MUC4: variants seen among roughly 807,000 people sequenced by gnomAD.
MUC4 encodes mucin-4.
Under a neutral mutation model 257.9 loss-of-function variants are expected in MUC4, and 202 were observed. The ratio of observed to expected loss-of-function variants is 0.78; its 90% confidence interval spans 0.70 to 0.88. The LOEUF is 0.88. Among genes scored for constraint, MUC4 ranks in the 40% least tolerant of loss-of-function variants. MUC4 has a pLI of 0.00. For missense variants in MUC4, 5,976 were observed against 6,513.7 expected (o/e 0.92, Z 2.84); for synonymous variants, 2,351 against 2,757.1 (o/e 0.85, Z 4.62).
At chr3:195,775,334 C>T (rs112482238) in intron 3 of MUC4, among the ~76,000 whole-genome samples, 4 of 15,938 alleles carry the variant, frequency 2.5e-4, no homozygotes, top group Admixed American at 4.3e-4. Flanking sequence ...GGGGATCCAC[C>T]CCCATGCAGC....
In MUC4 at chr3:195,752,385, T is replaced by C. The variant is rs2258447; in HGVS notation, c.15570A>G (p.Glu5190=). 0.89 allele frequency: 1,443,848 copies of C among 1,613,408 alleles called. 648,960 individuals carry two copies. Among genetic ancestry groups the C allele is most frequent in the Admixed American group, 0.94 (56,577 of 60,028 alleles). ...CTGCAGCACTGACCGAGGCGTTGAC[T>C]TCTGCCATGGAGGCATTTTCCTCTT... The part of the protein sequence containing the change: ...LSEEENASMA[E]VNASVAYRLG... The change falls in exon 21 of 25, where the codon GAA becomes GAG. Residue 5190 remains glutamate, a synonymous_variant. Transcript: ENST00000463781.
Position 195,788,710 on chromosome 3 carries a change from A to T in MUC4, c.2870T>A (p.Leu957Gln). ...LTSPQTETHTLSPSGSGKTFT... is the reference protein window; with the variant it reads ...LTSPQTETHTQSPSGSGKTFT... ...GGTTTTACCAGACCCTGAAGGTGAC[A>T]GAGTGTGGGTCTCGGTTTGTGGAGA... is the stretch of plus-strand genomic sequence containing the variant. Residue 957 changes from leucine to glutamine, a missense_variant, in exon 2 of 25, where the codon CTG becomes CAG. Leu to Gln is a moderately radical substitution (Grantham distance 113, BLOSUM62 -2). Around this residue, in one of 44 missense-constraint regions of MUC4, gnomAD observed 1,583 missense variants for 1,257.4 expected, o/e 1.26. Coordinates refer to ENST00000463781, the MANE Select transcript of MUC4 (RefSeq NM_018406.7). 1 of 1,612,238 alleles carries T rather than the reference A, an allele frequency of 6.2e-7. No homozygotes were observed. The highest frequency in any genetic ancestry group is 8.5e-7 in the Non-Finnish European group (1 of 1,179,792).
At position 195,764,179 on chromosome 3, in the gene MUC4, A is replaced by G. The variant is rs1719884605; in HGVS notation, c.13925-15T>C. 6.4e-7 allele frequency: 1 copy of G among 1,556,588 alleles called. No homozygotes were observed. Among genetic ancestry groups the G allele is most frequent in the East Asian group, 2.4e-5 (1 of 41,364 alleles). ...CAGTTCCTGGGCTGCGGAGAACAGC[A>G]GTGAGTCGGGGAGGTTGAGGACCTG... On this transcript the variant is annotated splice_polypyrimidine_tract_variant and intron_variant, in intron 10 of 24. Transcript: ENST00000463781.
Position 195,748,965 on chromosome 3 carries a change from C to G in MUC4, c.15971G>C (p.Cys5324Ser). ...TCCATGGTCACAGTAGCCCCTACTGCACGGGGACACGCAGGTGAAGCCGCT... is the reference window on the plus strand; with the variant it reads ...TCCATGGTCACAGTAGCCCCTACTGGACGGGGACACGCAGGTGAAGCCGCT... ...PQSGFTCVSPCSRGYCDHGGQ... is the reference protein window; with the variant it reads ...PQSGFTCVSPSSRGYCDHGGQ... Residue 5324 changes from cysteine (C) to serine (S), a missense_variant, in exon 24 of 25, where the codon TGC becomes TCC. Cys to Ser is a moderately radical substitution (Grantham distance 112). Around this residue, in one of 44 missense-constraint regions of MUC4, gnomAD observed 310 missense variants for 242.1 expected, o/e 1.28. Transcript: ENST00000463781. 1.2e-5 allele frequency: 20 copies of G among 1,608,548 alleles called. No individual in the cohort carries two copies. The highest frequency in any genetic ancestry group is 1.7e-5 in the Non-Finnish European group (20 of 1,177,552).
In MUC4 at chr3:195,749,059, C is replaced by G. The variant is rs146801616; in HGVS notation, c.15877G>C (p.Val5293Leu). ...CTGAAGTAAGCCTTCAGCGTGCTCACGTTCACTGTCGGGAAGGACACAGAT... is the reference window on the plus strand; with the variant it reads ...CTGAAGTAAGCCTTCAGCGTGCTCAGGTTCACTGTCGGGAAGGACACAGAT... ...EDVRDVTALNVSTLKAYFRCD... is the reference protein window; with the variant it reads ...EDVRDVTALNLSTLKAYFRCD... Residue 5293 changes from valine (V) to leucine (L), a missense_variant, in exon 24 of 25, where the codon GTG (valine) becomes CTG (leucine). Val to Leu is a conservative substitution (Grantham distance 32, BLOSUM62 1). This residue lies in a region of MUC4 where 310 missense variants were observed against 242.1 expected (regional missense o/e 1.28). Transcript: ENST00000463781. 2 of 1,606,720 alleles carry G rather than the reference C, an allele frequency of 1.2e-6. No homozygotes were observed. The highest frequency in any genetic ancestry group is 1.7e-6 in the Non-Finnish European group (2 of 1,175,736).
chr3:195,805,100 G>A (rs1469197201), intron 1 of MUC4, among the ~76,000 whole-genome samples: 2 of 145,948 alleles, frequency 1.4e-5, no homozygotes, highest in East Asian at 2.0e-4. Context: ...TCGCTCTGTC[G>A]CCCAGGCAGG....
intron 2 of MUC4, 42 bp from the exon 3 acceptor site, chr3:195,778,497 A>G (rs150574853): frequency 1.9e-6 from 3 of 1,602,042 alleles, no homozygotes; most frequent in Non-Finnish European, 1.7e-6. Context: ...TCTTACAGTA[A>G]CAAAACAGGA....
At chr3:195,759,099 T>C in intron 17 of MUC4, 25 bp downstream of exon 17, 1 of 1,603,962 alleles carries the variant, frequency 6.2e-7, no homozygotes, top group South Asian at 1.1e-5. Flanking sequence ...CTCCCCACTC[T>C]CCCCAGCCAG....
chr3:195,776,623 A>G (rs1199133621), intron 3 of MUC4, among the ~76,000 whole-genome samples: 16 of 32,906 alleles, frequency 4.9e-4, no homozygotes, highest in African/African-American at 4.5e-3. Flanking sequence ...TACCTTCCAC[A>G]CCCATACCTT....
rs1244933892 is a variant in MUC4, at chr3:195,763,506, G to C, written c.14180C>G (p.Thr4727Ser). 2.1e-5 allele frequency: 32 copies of C among 1,553,936 alleles called. No individual in the cohort carries two copies. The highest frequency in any genetic ancestry group is 2.7e-5 in the Non-Finnish European group (31 of 1,147,692). Residue 4727 changes from threonine to serine, a missense_variant, in exon 12 of 25, where the codon ACT (threonine) becomes AGT (serine). This residue lies in a region of MUC4 where 996 missense variants were observed against 1,137.3 expected (regional missense o/e 0.88). Transcript: ENST00000463781. ...SFLLQGRTAQ[T>S]GSAQATNFIA... ...GAAGTTGGTGGCCTGGGCTGAGCCA[G>C]TCTGGGCGGTGCGGCCCTGAAGCAG...
chr3:195,791,121 C>T lies in MUC4; in HGVS notation c.459G>A (p.Glu153=). Residue 153 remains glutamate, a synonymous_variant, in exon 2 of 25, where the codon GAG becomes GAA. Coordinates refer to ENST00000463781, the MANE Select transcript of MUC4 (RefSeq NM_018406.7). ...AACTTTCAGTTCCTGCTGTTGATGT[C>T]TCTTCTGTGTTTCCAAGAGTGGAGT... ...STDSTLGNTE[E]TSTAGTESST... The T allele has an allele frequency of 6.2e-7, 1 of 1,613,802 alleles. No individual in the cohort carries two copies. Among genetic ancestry groups the T allele is most frequent in the Non-Finnish European group, 8.5e-7 (1 of 1,179,862 alleles).
rs55663092 is a variant in MUC4 at position 195,746,784 on chromosome 3, CAGAG to C, written c.*388_*391del. On this transcript the variant is annotated 3_prime_UTR_variant, in exon 25 of 25. Coordinates refer to ENST00000463781, the MANE Select transcript of MUC4 (RefSeq NM_018406.7). The stretch of plus-strand genomic sequence containing the variant: ...TCCTGGTTTTGGAGACACAAAAAGT[CAGAG>C]AGACTTTATTTAAATAGAGTTAATT... 23,622 of 250,624 alleles carry C rather than the reference CAGAG, an allele frequency of 0.094. No homozygotes were observed. Among genetic ancestry groups the C allele is most frequent in the South Asian group, 0.19 (2,108 of 11,102 alleles). The allele number at this position is 250,624 out of a possible 1,614,324, so 15.5% of individuals were successfully genotyped here.
Position 195,784,727 on chromosome 3 carries a change from C to A in MUC4, c.6853G>T (p.Asp2285Tyr), listed in dbSNP as rs755261964. 1 of 1,423,328 alleles carries A rather than the reference C, an allele frequency of 7.0e-7. No individual in the cohort carries two copies. Among genetic ancestry groups the A allele is most frequent in the African/African-American group, 2.1e-5 (1 of 47,392 alleles). 88.2% of individuals were successfully genotyped at this position (1,423,328 alleles called of 1,614,324 possible). The change falls in exon 2 of 25, where the codon GAC becomes TAC. Residue 2285 changes from aspartate (D) to tyrosine (Y), a missense_variant. Physicochemically the swap from Asp to Tyr is radical, Grantham distance 160 (BLOSUM62 -3). Transcript: ENST00000463781. Reference sequence around the variant, plus strand: ...CTAGTGACAGGAAGAGGAGTGGTGTCACCTGTGGATACTGAGGAAAGGCTG... The same window carrying A: ...CTAGTGACAGGAAGAGGAGTGGTGTAACCTGTGGATACTGAGGAAAGGCTG... Reference protein sequence around the residue: ...VTSLSSVSTGDTTPLPVTSPS... With the variant: ...VTSLSSVSTGYTTPLPVTSPS...
In MUC4 at chr3:195,763,347, G is replaced by GC. The variant is rs1719659860; in HGVS notation, c.14253+85dup. ...CCTCCTGCCCGGCTTCCCCTCCTTC[G>GC]CTCTCTTCCTTCTCCTCGGCCTCAG... On this transcript the variant is annotated intron_variant, in intron 12 of 24. Transcript: ENST00000463781. 3.1e-6 allele frequency: 4 copies of GC among 1,296,046 alleles called. No individual in the cohort carries two copies. In the South Asian group the frequency reaches 8.0e-5, roughly 26 times the overall value. 80.3% of individuals were successfully genotyped at this position (1,296,046 alleles called of 1,614,324 possible).
rs536218329 is a variant in MUC4, at chr3:195,768,419, G to A, written c.13529+603C>T. Reference sequence around the variant, plus strand: ...CCACATTTCAACCGCCCACAGCCCCGTGCCTCCTCTCTCCCTTCACCACCG... The same window carrying A: ...CCACATTTCAACCGCCCACAGCCCCATGCCTCCTCTCTCCCTTCACCACCG... On this transcript the variant is annotated intron_variant, in intron 7 of 24. Transcript: ENST00000463781. Among the ~76,000 whole-genome samples, 8 of 152,212 alleles carry A rather than the reference G, an allele frequency of 5.3e-5. No homozygotes were observed. The East Asian group carries it at 1.2e-3, about 22-fold the overall frequency.
At chr3:195,792,183 A>T (rs1003083787) in intron 1 of MUC4, among the ~76,000 whole-genome samples, 2 of 152,222 alleles carry the variant, frequency 1.3e-5, no homozygotes, top group Non-Finnish European at 2.9e-5. Flanking sequence ...AGAAACTATC[A>T]TCAGAGCAAA....
rs1717925394 is a variant in MUC4 at position 195,757,620 on chromosome 3, C to T, written c.14987-292G>A. On this transcript the variant is annotated intron_variant, in intron 17 of 24. Transcript: ENST00000463781. The surrounding 1 kb of genome is among the most constrained non-coding windows in gnomAD (Gnocchi z 4.8). ...AAGGGCAGCCCTGGCTGGGCTCACA[C>T]CAGGATGGGACATCCTGGGGGATGG... is the stretch of plus-strand genomic sequence containing the variant. 6.6e-6 allele frequency among the ~76,000 whole-genome samples: 1 copy of T among 152,132 alleles called. No individual in the cohort carries two copies. The highest frequency in any genetic ancestry group is 6.5e-5 in the Admixed American group (1 of 15,276).
At chr3:195,803,907 G>A (rs114766822) in intron 1 of MUC4, among the ~76,000 whole-genome samples, 5 of 152,190 alleles carry the variant, frequency 3.3e-5, no homozygotes, top group South Asian at 2.1e-4. Context: ...GCCTGAGGCC[G>A]AGCCAGGCAC....
In MUC4 at chr3:195,780,185, A is replaced by C. The variant is rs1325832163; in HGVS notation, c.11395T>G (p.Ser3799Ala). Residue 3799 changes from serine to alanine, a missense_variant, in exon 2 of 25, where the codon TCC (serine) becomes GCC (alanine). Ser to Ala is a moderately conservative substitution (Grantham distance 99). Around this residue, in one of 44 missense-constraint regions of MUC4, gnomAD observed 330 missense variants for 262.0 expected, o/e 1.26. Coordinates refer to ENST00000463781, the MANE Select transcript of MUC4 (RefSeq NM_018406.7). ...GTGGCCTGACCTGTGGATGCTGAGG[A>C]AGTGTCGGTGACAGGAAGAGGGGTG... ...DTTPLPVTDT[S>A]SASTGQATPL... is the part of the protein sequence containing the mutation. 32 of 1,497,046 alleles carry C rather than the reference A, an allele frequency of 2.1e-5. 2 individuals are homozygous for C. The highest frequency in any genetic ancestry group is 4.5e-4 in the Middle Eastern group (2 of 4,470). The allele number at this position is 1,497,046 out of a possible 1,614,324, so 92.7% of individuals were successfully genotyped here. A position where few individuals can be genotyped will look rare whatever the true frequency, so the allele number is the denominator to read the frequency against.
Sources: allele counts gnomAD v4.1 joint callset (sites outside exome capture counted in the v4.1 genomes callset), GRCh38; gene constraint gnomAD v4.1.1; regional missense constraint gnomAD v4.1.1; non-coding constraint Gnocchi (gnomAD v3.1); transcripts MANE v1.5; gene names NCBI Gene and HGNC (gene_info 2026-07-23, HGNC 2026-07-21).